Variants in AGBL4 observed in about 807,000 individuals in gnomAD.
AGBL4 encodes cytosolic carboxypeptidase 6.
AGBL4 carries 58 observed loss-of-function variants against 66.4 expected under a neutral mutation model. The ratio of observed to expected loss-of-function variants is 0.87; its 90% CI spans 0.71 to 1.09. The LOEUF (loss-of-function observed/expected upper bound fraction) is 1.09. Ranked by LOEUF, AGBL4 falls within the 50% of genes least tolerant of loss-of-function variation. AGBL4 has a pLI of 0.00. For synonymous variants in AGBL4, 234 were observed against 222.9 expected (o/e 1.05, Z -0.44); for missense variants, 579 against 631.0 (o/e 0.92, Z 0.88).
chr1:49,172,433 G>A lies in AGBL4; in HGVS notation c.377+73337C>T, dbSNP rs1646755247. Among the ~76,000 whole-genome samples, 3 of 152,314 alleles carry A rather than the reference G, an allele frequency of 2.0e-5. No homozygotes were observed. The South Asian group carries it at 6.2e-4, about 32-fold the overall frequency. The stretch of plus-strand genomic sequence containing the variant: ...AATGTGGCAAGGAAAGCTTCCCTGA[G>A]AAGATTATGCTACATCAGAAGCTTT... On this transcript the variant is annotated intron_variant, in intron 4 of 13. Transcript: ENST00000371839.
chr1:49,117,624 C>T (rs565756501), intron 4 of AGBL4, among the ~76,000 whole-genome samples: 2 of 152,130 alleles, frequency 1.3e-5, no homozygotes, highest in Non-Finnish European at 1.5e-5. Context: ...TTACTGTAGC[C>T]TTGTAGTATA....
intron 4 of AGBL4, among the ~76,000 whole-genome samples, chr1:49,115,577 G>A (rs1255649963): frequency 6.6e-6 from 1 of 152,090 alleles, no homozygotes; most frequent in Non-Finnish European, 1.5e-5. Flanking sequence ...ATATGCATGT[G>A]TGTGTTTGGA....
At chr1:48,858,500 G>A (rs1441302549) in intron 6 of AGBL4, among the ~76,000 whole-genome samples, 1 of 152,182 alleles carries the variant, frequency 6.6e-6, no homozygotes, top group Non-Finnish European at 1.5e-5. Context: ...CAAGAAAAAG[G>A]AATGAAGTAT....
At chr1:49,119,610 A>C (rs1443521898) in intron 4 of AGBL4, among the ~76,000 whole-genome samples, 1 of 152,168 alleles carries the variant, frequency 6.6e-6, no homozygotes, top group Non-Finnish European at 1.5e-5. Context: ...GGAGTGCTTT[A>C]CTTCCAACTA....
At chr1:49,839,523 G>A (rs942274671) in intron 2 of AGBL4, among the ~76,000 whole-genome samples, 4 of 152,150 alleles carry the variant, frequency 2.6e-5, no homozygotes, top group Admixed American at 2.0e-4. Flanking sequence ...TGTTAAAGAG[G>A]TCATCAAATG....
At chr1:48,722,022 TAAG>T (rs1471218049) in intron 6 of AGBL4, among the ~76,000 whole-genome samples, 1 of 150,924 alleles carries the variant, frequency 6.6e-6, no homozygotes, top group Non-Finnish European at 1.5e-5. Flanking sequence ...ATAATTCACA[TAAG>T]AAGAACAGAG....
At chr1:49,641,480 G>A (rs572741844) in intron 3 of AGBL4, among the ~76,000 whole-genome samples, 1 of 151,972 alleles carries the variant, frequency 6.6e-6, no homozygotes, top group African/African-American at 2.4e-5. Context: ...GCAACATTTC[G>A]TTCCACAATG....
intron 4 of AGBL4, among the ~76,000 whole-genome samples, chr1:49,178,800 T>C (rs1279316247): frequency 6.6e-6 from 1 of 152,192 alleles, no homozygotes; most frequent in Non-Finnish European, 1.5e-5. Flanking sequence ...GTGAATGCTC[T>C]GTGAATGTTT....
intron 6 of AGBL4, among the ~76,000 whole-genome samples, chr1:48,764,871 T>C (rs1570581713): frequency 6.6e-6 from 1 of 152,348 alleles, no homozygotes; most frequent in East Asian, 1.9e-4. Flanking sequence ...AAGGACTGCC[T>C]GCTGGCTTCT....
intron 1 of AGBL4, among the ~76,000 whole-genome samples, chr1:49,932,581 A>C (rs985853561): frequency 2.0e-5 from 3 of 152,172 alleles, no homozygotes; most frequent in African/African-American, 7.2e-5. Context: ...ACCGGATGAA[A>C]AGTGTAAATC....
At position 48,691,377 on chromosome 1, in the gene AGBL4, T is replaced by C. The variant is rs573048032; in HGVS notation, c.635-28136A>G. 2.0e-5 allele frequency among the ~76,000 whole-genome samples: 3 copies of C among 152,188 alleles called. No homozygotes were observed. In the East Asian group the frequency reaches 5.8e-4, roughly 29 times the overall value. ...ACCACATTTTAAGTGCACACACGGCTAGTGGCTGTGTATTGGACAGCATAG... is the reference window on the plus strand; with the variant it reads ...ACCACATTTTAAGTGCACACACGGCCAGTGGCTGTGTATTGGACAGCATAG... On this transcript the variant is annotated intron_variant, in intron 6 of 13. Transcript: ENST00000371839.
chr1:49,462,703 GT>G (rs1322989744), intron 3 of AGBL4, among the ~76,000 whole-genome samples: 1 of 151,630 alleles, frequency 6.6e-6, no homozygotes, highest in Admixed American at 6.6e-5. Flanking sequence ...TGGCTATATT[GT>G]TTCTAAGAGA....
chr1:49,093,806 A>G (rs1204952080), intron 4 of AGBL4, among the ~76,000 whole-genome samples: 3 of 152,190 alleles, frequency 2.0e-5, no homozygotes, highest in African/African-American at 4.8e-5. Context: ...ATCTCTATTC[A>G]ATATACAATT....
chr1:49,844,355 C>T (rs1646081938), intron 2 of AGBL4, among the ~76,000 whole-genome samples: 1 of 152,158 alleles, frequency 6.6e-6, no homozygotes, highest in African/African-American at 2.4e-5. Context: ...AGTGCTCTCT[C>T]CCTGGGCATC....
chr1:48,879,160 C>T (rs1347757083), intron 5 of AGBL4, among the ~76,000 whole-genome samples: 1 of 151,130 alleles, frequency 6.6e-6, no homozygotes, highest in Non-Finnish European at 1.5e-5. Flanking sequence ...CAAAATGATA[C>T]CTTTTGTTAC....
intron 2 of AGBL4, among the ~76,000 whole-genome samples, chr1:49,811,322 A>G (rs920747469): frequency 6.6e-6 from 1 of 152,130 alleles, no homozygotes; most frequent in East Asian, 1.9e-4. Flanking sequence ...GCATATCTAC[A>G]ACACTTGTTA....
chr1:49,232,029 A>T (rs1480314764), intron 4 of AGBL4, among the ~76,000 whole-genome samples: 2 of 152,208 alleles, frequency 1.3e-5, no homozygotes, highest in Admixed American at 1.3e-4. Context: ...TTTTCAACTT[A>T]TGATGGGTTT....
chr1:49,177,836 C>T (rs1225565077), intron 4 of AGBL4, among the ~76,000 whole-genome samples: 2 of 152,110 alleles, frequency 1.3e-5, no homozygotes, highest in African/African-American at 4.8e-5. Context: ...TCAGTTATCA[C>T]TGAGATGGGT....
intron 3 of AGBL4, among the ~76,000 whole-genome samples, chr1:49,470,931 C>T (rs2148712201): frequency 6.6e-6 from 1 of 152,166 alleles, no homozygotes; most frequent in East Asian, 1.9e-4. Context: ...TCTTAAATTC[C>T]TTCCTGGGCA....
Sources: allele counts gnomAD v4.1 joint callset (sites outside exome capture counted in the v4.1 genomes callset), GRCh38; gene constraint gnomAD v4.1.1; transcripts MANE v1.5; gene names NCBI Gene and HGNC (gene_info 2026-07-23, HGNC 2026-07-21).